CPXM2: variants seen among roughly 807,000 people sequenced by gnomAD.
The protein encoded by CPXM2 is inactive carboxypeptidase-like protein X2.
A neutral mutation model predicts 86.1 loss-of-function variants in CPXM2; 66 were observed. That is an observed-to-expected ratio of 0.77 (90% CI 0.63 to 0.94). CPXM2 has a LOEUF of 0.94. CPXM2 is among the 40% of genes least tolerant of loss of function. The pLI is 0.00. For synonymous variants in CPXM2, 388 were observed against 400.2 expected (o/e 0.97, Z 0.36); for missense variants, 948 against 1,026.3 (o/e 0.92, Z 1.04).
At position 123,935,146 on chromosome 10, in the gene CPXM2, T is replaced by C. The variant is rs187952582; in HGVS notation, n.174+4331A>G. 4.2e-3 allele frequency among the ~76,000 whole-genome samples: 637 copies of C among 152,320 alleles called. 3 individuals carry two copies. Among genetic ancestry groups the C allele is most frequent in the African/African-American group, 0.014 (601 of 41,562 alleles). ...ATCAGGGCAAAGGCCTGTCAGAGCC[T>C]GCTGCATGGAGCCCACTCAATCCTG... On this transcript the variant is annotated intron_variant and non_coding_transcript_variant, in intron 2 of 19. Coordinates refer to the CPXM2 transcript ENST00000368854.
intron 13 of CPXM2, among the ~76,000 whole-genome samples, chr10:123,749,633 G>A (rs757096125): frequency 1.3e-5 from 2 of 152,132 alleles, no homozygotes; most frequent in African/African-American, 2.4e-5. Flanking sequence ...CTTTGTTCCA[G>A]CCATTCTGAG....
chr10:123,756,996 AT>A (rs1255330826), intron 12 of CPXM2, among the ~76,000 whole-genome samples: 1 of 152,148 alleles, frequency 6.6e-6, no homozygotes, highest in Non-Finnish European at 1.5e-5. Flanking sequence ...ACCAGTCCCA[AT>A]TGCTCCAGGC....
chr10:123,814,072 G>A (rs1015567671), intron 4 of CPXM2, among the ~76,000 whole-genome samples: 1 of 152,218 alleles, frequency 6.6e-6, no homozygotes, highest in South Asian at 2.1e-4. Flanking sequence ...TTGAGACTAA[G>A]TGGTAGCTGC....
At chr10:123,841,336 T>G (rs563705378) in intron 4 of CPXM2, among the ~76,000 whole-genome samples, 14 of 152,352 alleles carry the variant, frequency 9.2e-5, no homozygotes, top group Admixed American at 7.8e-4. Context: ...ATTTTGTTCA[T>G]GTATTTTTGC....
intron 3 of CPXM2, 85 bp from the exon 4 acceptor site, chr10:123,842,573 G>C: frequency 7.3e-7 from 1 of 1,365,760 alleles, no homozygotes; most frequent in East Asian, 2.4e-5. Context: ...CTGAGAGGAA[G>C]GGAGGGAGGA....
intron 2 of CPXM2, among the ~76,000 whole-genome samples, chr10:123,922,378 A>T (rs1184752967): frequency 6.6e-6 from 1 of 152,158 alleles, no homozygotes; most frequent in Non-Finnish European, 1.5e-5. Context: ...ATAAAGTTCA[A>T]TTTTTTTAAT....
intron 2 of CPXM2, among the ~76,000 whole-genome samples, chr10:123,871,466 G>T (rs569231561): frequency 9.8e-5 from 15 of 152,286 alleles, no homozygotes; most frequent in African/African-American, 3.1e-4. Context: ...TGGTTCAAAA[G>T]AACATTTCTC....
chr10:123,777,305 A>G (rs1022932661), intron 7 of CPXM2: 2 of 152,306 alleles, frequency 1.3e-5, no homozygotes, highest in Non-Finnish European at 2.9e-5. Flanking sequence ...CTTCCTGGGC[A>G]TTTGGGACCT....
chr10:123,766,051 A>G (rs1481066784), intron 10 of CPXM2, among the ~76,000 whole-genome samples: 1 of 152,242 alleles, frequency 6.6e-6, no homozygotes, highest in Non-Finnish European at 1.5e-5. Flanking sequence ...AGTAGTATGT[A>G]GAACCGCTTA....
chr10:123,878,506 CGT>C (rs200009107), intron 2 of CPXM2, among the ~76,000 whole-genome samples: 46,012 of 134,306 alleles, frequency 0.34, 7,956 homozygotes, highest in East Asian at 0.59. Context: ...CAAATTCAGA[CGT>C]GTGTGTGTGT....
In CPXM2 at chr10:123,834,589, G is replaced by A. The variant is rs548324142; in HGVS notation, c.653+7760C>T. ...CCTGGTGTGTTTGTGGAACAAAAAG[G>A]ATGCTCCTGGGCTGGAGTGCCATGA... is the stretch of plus-strand genomic sequence containing the variant. On this transcript the variant is annotated intron_variant, in intron 4 of 13. Coordinates refer to ENST00000241305, the MANE Select transcript of CPXM2 (RefSeq NM_198148.3). 5.9e-5 allele frequency among the ~76,000 whole-genome samples: 9 copies of A among 152,328 alleles called. No homozygotes were observed. In the East Asian group the frequency reaches 1.7e-3, roughly 29 times the overall value.
chr10:123,843,689 C>A (rs1229047893), intron 3 of CPXM2, among the ~76,000 whole-genome samples: 1 of 152,160 alleles, frequency 6.6e-6, no homozygotes, highest in Non-Finnish European at 1.5e-5. Flanking sequence ...AAATGTGAAA[C>A]TAAGAGTCCA....
intron 2 of CPXM2, among the ~76,000 whole-genome samples, chr10:123,867,872 A>G (rs555066284): frequency 1.3e-5 from 2 of 152,204 alleles, no homozygotes; most frequent in Non-Finnish European, 2.9e-5. Flanking sequence ...AATGTCCAAA[A>G]TGAATAAAGT....
At chr10:123,747,670 G>A (rs539163507) in intron 13 of CPXM2, among the ~76,000 whole-genome samples, 6 of 152,190 alleles carry the variant, frequency 3.9e-5, no homozygotes, top group African/African-American at 7.2e-5. Context: ...ACTACCAGCC[G>A]ATTACCTCCC....
intron 2 of CPXM2, among the ~76,000 whole-genome samples, chr10:123,938,699 C>T (rs1945745763): frequency 6.6e-6 from 1 of 152,160 alleles, no homozygotes; most frequent in African/African-American, 2.4e-5. Context: ...CCCGGCTGGC[C>T]AGCGTCTACC....
chr10:123,752,555 A>C, intron 13 of CPXM2: 2 of 985,404 alleles, frequency 2.0e-6, no homozygotes, highest in South Asian at 9.4e-5. Context: ...TCTGAACCCC[A>C]GCCTCGCCTC....
intron 3 of CPXM2, among the ~76,000 whole-genome samples, chr10:123,856,766 A>G (rs1482304061): frequency 3.3e-5 from 5 of 152,016 alleles, no homozygotes; most frequent in Non-Finnish European, 7.4e-5. Flanking sequence ...TAATTTTTGT[A>G]TGTTTAGTAG....
intron 2 of CPXM2, chr10:123,939,472 C>T (rs1034025628): frequency 1.8e-4 from 27 of 152,208 alleles, no homozygotes; most frequent in African/African-American, 6.5e-4. Flanking sequence ...GTCTCTGTTA[C>T]TGACCTGCTG....
chr10:123,856,553 C>A (rs1236540269), intron 3 of CPXM2, among the ~76,000 whole-genome samples: 6 of 152,094 alleles, frequency 3.9e-5, no homozygotes, highest in African/African-American at 1.4e-4. Flanking sequence ...TACCTACAGG[C>A]AAAGGATCCA....
Sources: gnomAD v4.1 joint callset for allele counts (sites outside exome capture counted in the v4.1 genomes callset) on GRCh38, gnomAD v4.1.1 for gene constraint, MANE v1.5 for transcripts, NCBI Gene and HGNC (gene_info 2026-07-23, HGNC 2026-07-21) for gene names.